The following TXLNB variants were observed in gnomAD, a reference collection of about 807,000 sequenced individuals.
TXLNB encodes beta-taxilin.
Under a neutral mutation model 57.4 loss-of-function variants are expected in TXLNB, and 37 were observed. That is an observed-to-expected ratio of 0.64 (90% CI 0.50 to 0.85). The LOEUF (loss-of-function observed/expected upper bound fraction) is 0.85. Among genes scored for constraint, TXLNB ranks in the 40% least tolerant of loss-of-function variants. The pLI is 0.00. For synonymous variants in TXLNB, 302 were observed against 309.6 expected, an observed-to-expected ratio of 0.98 and a Z score of 0.26; for missense variants, 848 against 825.6, an observed-to-expected ratio of 1.03 and a Z score of -0.33.
chr6:139,200,596 T>C, the TXLNB span, among the ~76,000 whole-genome samples: 6 of 152,084 alleles, frequency 3.9e-5, no homozygotes, highest in Non-Finnish European at 7.4e-5. Flanking sequence ...GGTGACCATG[T>C]AGTGAGAGTG....
chr6:139,179,016 A>G, the TXLNB span: 29 of 152,342 alleles, frequency 1.9e-4, no homozygotes, highest in African/African-American at 6.7e-4. Context: ...GATCATCTGA[A>G]AAAACATTTC....
At chr6:139,181,345 AATTCACATAG>A in the TXLNB span, among the ~76,000 whole-genome samples, 1 of 152,382 alleles carries the variant, frequency 6.6e-6, no homozygotes, top group Middle Eastern at 3.4e-3. Flanking sequence ...TTCCAGAAAC[AATTCACATAG>A]TTTAAATTGT....
At chr6:139,222,681 C>T in the TXLNB span, among the ~76,000 whole-genome samples, 35 of 152,260 alleles carry the variant, frequency 2.3e-4, no homozygotes, top group African/African-American at 8.2e-4. Context: ...TGGCACACAC[C>T]TGTAATCTCA....
intron 7 of TXLNB, among the ~76,000 whole-genome samples, chr6:139,248,940 G>A (rs918553873): frequency 6.6e-6 from 1 of 152,246 alleles, no homozygotes; most frequent in East Asian, 1.9e-4. Flanking sequence ...AGTTTTGTAT[G>A]TTTATGAATA....
intron 2 of TXLNB, among the ~76,000 whole-genome samples, chr6:139,278,119 T>C (rs1169435982): frequency 2.0e-5 from 3 of 152,158 alleles, no homozygotes; most frequent in African/African-American, 7.2e-5. Flanking sequence ...TAGAAGGAAT[T>C]TCAAAGAGCA....
intron 6 of TXLNB, among the ~76,000 whole-genome samples, chr6:139,257,984 C>T (rs900277684): frequency 6.6e-6 from 1 of 152,146 alleles, no homozygotes; most frequent in East Asian, 1.9e-4. Flanking sequence ...AGAAGCCCTA[C>T]AGTGTCCCCT....
chr6:139,246,407 C>G (rs933279327), intron 8 of TXLNB, among the ~76,000 whole-genome samples: 1 of 152,184 alleles, frequency 6.6e-6, no homozygotes, highest in Non-Finnish European at 1.5e-5. Context: ...CACCTCAAAA[C>G]CATTAATGCC....
chr6:139,196,733 C>T, the TXLNB span, among the ~76,000 whole-genome samples: 1 of 152,106 alleles, frequency 6.6e-6, no homozygotes, highest in East Asian at 1.9e-4. Flanking sequence ...ACTGCAATGT[C>T]CCTTATAGTC....
intron 7 of TXLNB, chr6:139,251,324 A>G (rs1206934162): frequency 6.6e-6 from 1 of 152,238 alleles, no homozygotes; most frequent in East Asian, 1.9e-4. Context: ...TATACACATT[A>G]AACAACAATT....
chr6:139,166,750 C>T, the TXLNB span: 1 of 1,613,766 alleles, frequency 6.2e-7, no homozygotes, highest in Non-Finnish European at 8.5e-7. Context: ...ATTCCATGGA[C>T]CGGCAGAACT....
chr6:139,226,847 C>A, the TXLNB span, among the ~76,000 whole-genome samples: 1 of 151,646 alleles, frequency 6.6e-6, no homozygotes, highest in Non-Finnish European at 1.5e-5. Flanking sequence ...AGCAACATGG[C>A]AAAACCCCGT....
the TXLNB span, among the ~76,000 whole-genome samples, chr6:139,307,024 G>T: frequency 2.1e-4 from 32 of 152,228 alleles, no homozygotes; most frequent in South Asian, 6.2e-4. Flanking sequence ...CCAGCTTATT[G>T]TGACATTTTG....
intron 2 of TXLNB, among the ~76,000 whole-genome samples, chr6:139,278,993 C>T (rs1776976519): frequency 6.6e-6 from 1 of 152,078 alleles, no homozygotes; most frequent in Non-Finnish European, 1.5e-5. Flanking sequence ...AACAAACGAA[C>T]AAATAAAAAA....
At chr6:139,279,602 A>C (rs1432693986) in intron 2 of TXLNB, among the ~76,000 whole-genome samples, 1 of 152,336 alleles carries the variant, frequency 6.6e-6, no homozygotes, top group East Asian at 1.9e-4. Flanking sequence ...TGCTATGTGA[A>C]GTAATCATGG....
chr6:139,169,458 T>C, the TXLNB span: 2 of 152,248 alleles, frequency 1.3e-5, no homozygotes, highest in Admixed American at 1.3e-4. Flanking sequence ...TAATTTCTTG[T>C]GCTACCTTTG....
chr6:139,199,230 T>C, the TXLNB span, among the ~76,000 whole-genome samples: 2 of 152,212 alleles, frequency 1.3e-5, no homozygotes, highest in African/African-American at 4.8e-5. Flanking sequence ...CTAAATTATT[T>C]TTTAAAATTT....
the TXLNB span, among the ~76,000 whole-genome samples, chr6:139,214,802 C>T: frequency 2.5e-3 from 381 of 152,224 alleles, 3 homozygotes; most frequent in Middle Eastern, 0.017. Flanking sequence ...AATCAATGTG[C>T]AAAAATCACA....
intron 3 of TXLNB, among the ~76,000 whole-genome samples, chr6:139,276,498 T>G (rs1203296019): frequency 6.6e-6 from 1 of 152,204 alleles, no homozygotes; most frequent in Non-Finnish European, 1.5e-5. Context: ...GCATTTCAGG[T>G]AGAGGTACCT....
the TXLNB span, among the ~76,000 whole-genome samples, chr6:139,219,756 A>G: frequency 6.6e-6 from 1 of 152,128 alleles, no homozygotes; most frequent in African/African-American, 2.4e-5. Flanking sequence ...AAAACTCTCT[A>G]AAGACCCATC....
Sources: allele counts gnomAD v4.1 joint callset (sites outside exome capture counted in the v4.1 genomes callset), GRCh38; gene constraint gnomAD v4.1.1; transcripts MANE v1.5; gene names NCBI Gene and HGNC (gene_info 2026-07-23, HGNC 2026-07-21).